The following TDRD7 variants were observed in gnomAD, a reference collection of about 807,000 sequenced individuals.
The protein encoded by TDRD7 is tudor domain-containing protein 7.
Under a neutral mutation model 109.8 loss-of-function variants are expected in TDRD7, and 47 were observed. The observed-to-expected ratio is 0.43, with a 90% CI of 0.34 to 0.55. The LOEUF is 0.55. Ranked by LOEUF, TDRD7 falls within the 20% of genes least tolerant of loss-of-function variation. The pLI is 0.03. For missense variants in TDRD7, 1,164 were observed against 1,319.2 expected, an observed-to-expected ratio of 0.88 and a Z score of 1.82; for synonymous variants, 424 against 457.3, an observed-to-expected ratio of 0.93 and a Z score of 0.93.
chr9:97,478,509 A>G lies in TDRD7; in HGVS notation c.2237A>G (p.Lys746Arg), dbSNP rs1393392914. The part of the protein sequence containing the change: ...FLDSGTVTSV[K>R]VSELREIPPR... ...GACTCTGGCACTGTGACATCTGTAAAAGTGTCAGAGCTCAGGGAAATTCCA... is the reference window on the plus strand; with the variant it reads ...GACTCTGGCACTGTGACATCTGTAAGAGTGTCAGAGCTCAGGGAAATTCCA... Residue 746 changes from lysine (K) to arginine (R), a missense_variant, in exon 13 of 17, where the codon AAA becomes AGA. Coordinates refer to ENST00000355295, the MANE Select transcript of TDRD7 (RefSeq NM_014290.3). 1 of 1,614,018 alleles carries G rather than the reference A, an allele frequency of 6.2e-7. No individual in the cohort carries two copies. Among genetic ancestry groups the G allele is most frequent in the Non-Finnish European group, 8.5e-7 (1 of 1,179,966 alleles).
intron 8 of TDRD7, among the ~76,000 whole-genome samples, chr9:97,466,678 A>C (rs1464023951): frequency 6.6e-6 from 1 of 152,248 alleles, no homozygotes; most frequent in East Asian, 1.9e-4. Flanking sequence ...GTGCTGAGCA[A>C]AAGAAGCCAG....
At chr9:97,493,215 C>T (rs370565845) in intron 16 of TDRD7, among the ~76,000 whole-genome samples, 6 of 152,202 alleles carry the variant, frequency 3.9e-5, no homozygotes, top group Non-Finnish European at 7.4e-5. Context: ...AGCCAGATAT[C>T]GGGTAAAATT....
rs1828704793 is a variant in TDRD7 at position 97,460,785 on chromosome 9, C to A, written c.1442+21C>A. The A allele has an allele frequency of 1.9e-6, 3 of 1,595,732 alleles. No individual in the cohort carries two copies. The East Asian group carries it at 6.7e-5, about 36-fold the overall frequency. ...ATCAGGCAAGTTTCATTTTCTAATT[C>A]TTTAGGATTCTGATATACTTTTGTC... is the stretch of plus-strand genomic sequence containing the variant. On this transcript the variant is annotated intron_variant, in intron 7 of 16. Coordinates refer to ENST00000355295, the MANE Select transcript of TDRD7 (RefSeq NM_014290.3).
intron 15 of TDRD7, among the ~76,000 whole-genome samples, chr9:97,483,677 A>G (rs1026958292): frequency 6.6e-6 from 1 of 151,992 alleles, no homozygotes; most frequent in Non-Finnish European, 1.5e-5. Context: ...AAATAAAAAT[A>G]TTATGGAAAA....
At position 97,431,889 on chromosome 9, in the gene TDRD7, G is replaced by A. The variant is rs865908735; in HGVS notation, c.350-136G>A. The A allele has an allele frequency of 1.5e-4, 122 of 828,684 alleles. 2 individuals are homozygous for A. In the Middle Eastern group the frequency reaches 4.3e-3, roughly 29 times the overall value. 51.3% of individuals were successfully genotyped at this position (828,684 alleles called of 1,614,324 possible). On this transcript the variant is annotated intron_variant, in intron 3 of 16. Transcript: ENST00000355295. The stretch of plus-strand genomic sequence containing the variant: ...TCTTTCCCTGTTGACCAGCCCTCCA[G>A]TGGCAACCTCCTCGTGTTCTTACAA...
chr9:97,433,280 G>T (rs1828136258), intron 4 of TDRD7, among the ~76,000 whole-genome samples: 1 of 151,470 alleles, frequency 6.6e-6, no homozygotes, highest in African/African-American at 2.4e-5. Context: ...TTTTAATAAA[G>T]TAACCCTAAA....
intron 8 of TDRD7, among the ~76,000 whole-genome samples, chr9:97,467,056 G>A (rs1301226114): frequency 6.6e-6 from 1 of 152,200 alleles, no homozygotes; most frequent in Non-Finnish European, 1.5e-5. Context: ...GTATTTGGGT[G>A]TGTGCCTTTG....
chr9:97,417,907 G>T (rs909494534), intron 1 of TDRD7, among the ~76,000 whole-genome samples: 3 of 152,100 alleles, frequency 2.0e-5, no homozygotes, highest in Admixed American at 2.0e-4. Flanking sequence ...CAGGTGGATC[G>T]TGAGGTCAGG....
At chr9:97,419,974 C>A (rs1338330128) in intron 1 of TDRD7, among the ~76,000 whole-genome samples, 1 of 151,980 alleles carries the variant, frequency 6.6e-6, no homozygotes, top group African/African-American at 2.4e-5. Flanking sequence ...ATAATAGCCT[C>A]CCAGCATTAT....
chr9:97,461,312 T>C lies in TDRD7; in HGVS notation c.1442+548T>C, dbSNP rs756323845. 2.6e-4 allele frequency among the ~76,000 whole-genome samples: 39 copies of C among 152,178 alleles called. 2 individuals carry two copies. The highest frequency in any genetic ancestry group is 1.0e-4 in the Non-Finnish European group (7 of 68,024). On this transcript the variant is annotated intron_variant, in intron 7 of 16. Transcript: ENST00000355295. ...GAAAAAAAGATTCATGTCAAAAGCT[T>C]GTTGGTAACTATATTATGTCAAAAG... is the stretch of plus-strand genomic sequence containing the variant.
chr9:97,466,967 C>T (rs1828831146), intron 8 of TDRD7, among the ~76,000 whole-genome samples: 1 of 152,094 alleles, frequency 6.6e-6, no homozygotes, highest in African/African-American at 2.4e-5. Flanking sequence ...AAGTTTGAAA[C>T]CTGGAAGAAG....
Position 97,478,562 on chromosome 9 carries a change from A to G in TDRD7, c.2290A>G (p.Ile764Val), listed in dbSNP as rs772585763. 1.3e-5 allele frequency: 21 copies of G among 1,613,854 alleles called. No individual in the cohort carries two copies. The highest frequency in any genetic ancestry group is 2.2e-5 in the East Asian group (1 of 44,874). The change falls in exon 13 of 17, where the codon ATA becomes GTA. Residue 764 changes from isoleucine to valine, a missense_variant. Physicochemically the swap from Ile to Val is conservative, Grantham distance 29. This residue lies in a region of TDRD7 where 233 missense variants were observed against 218.0 expected (regional missense o/e 1.07). Transcript: ENST00000355295. ...TCGGTTTCTACAAGAAATGATTGCA[A>G]TACCACCTCAGGTACTATGTTACCA... ...PPRFLQEMIAIPPQAIKCCLA... is the reference protein window; with the variant it reads ...PPRFLQEMIAVPPQAIKCCLA...
intron 7 of TDRD7, among the ~76,000 whole-genome samples, chr9:97,462,294 G>A (rs1217040213): frequency 6.6e-6 from 1 of 152,220 alleles, no homozygotes; most frequent in African/African-American, 2.4e-5. Context: ...GTTTGTCAAG[G>A]ATGATTATGT....
chr9:97,413,644 T>TA (rs1827762256), intron 1 of TDRD7, among the ~76,000 whole-genome samples: 1 of 152,216 alleles, frequency 6.6e-6, no homozygotes, highest in South Asian at 2.1e-4. Flanking sequence ...GAGCATCAGT[T>TA]ACGTGCAAAG....
At chr9:97,480,675 G>A (rs1829100891) in intron 13 of TDRD7, 153 bp from the exon 14 acceptor site, 7 of 705,794 alleles carry the variant, frequency 9.9e-6, no homozygotes, top group Non-Finnish European at 1.8e-5. Flanking sequence ...CATAGCAGAT[G>A]CTCAAACCAG....
At chr9:97,463,446 A>G (rs1828766006) in intron 7 of TDRD7, among the ~76,000 whole-genome samples, 1 of 150,640 alleles carries the variant, frequency 6.6e-6, no homozygotes, top group African/African-American at 2.4e-5. Context: ...CCTGCTGATA[A>G]TTACCAAGAA....
chr9:97,486,403 T>C (rs1213086944), intron 15 of TDRD7, among the ~76,000 whole-genome samples: 2 of 152,178 alleles, frequency 1.3e-5, no homozygotes, highest in African/African-American at 4.8e-5. Context: ...GTAAGTAGAT[T>C]CCTGTGGATT....
intron 6 of TDRD7, among the ~76,000 whole-genome samples, chr9:97,457,283 T>C (rs1405486419): frequency 6.6e-6 from 1 of 151,990 alleles, no homozygotes; most frequent in Non-Finnish European, 1.5e-5. Flanking sequence ...GGATCTAGAA[T>C]CAGAAATACA....
Position 97,487,158 on chromosome 9 carries a change from T to C in TDRD7, c.2916-14T>C. ...ATGTGTTTTCTCTTCCTTTTTAATT[T>C]AATGTACATCTAGGTGGCACAGGGT... is the stretch of plus-strand genomic sequence containing the variant. On this transcript the variant is annotated splice_polypyrimidine_tract_variant and intron_variant, in intron 15 of 16. Coordinates refer to ENST00000355295, the MANE Select transcript of TDRD7 (RefSeq NM_014290.3). 6.2e-7 allele frequency: 1 copy of C among 1,613,832 alleles called. No homozygotes were observed. Among genetic ancestry groups the C allele is most frequent in the South Asian group, 1.1e-5 (1 of 91,072 alleles).
Sources: gnomAD v4.1 joint callset for allele counts (sites outside exome capture counted in the v4.1 genomes callset) on GRCh38, gnomAD v4.1.1 for gene constraint, gnomAD v4.1.1 regional missense constraint, MANE v1.5 for transcripts, NCBI Gene and HGNC (gene_info 2026-07-23, HGNC 2026-07-21) for gene names.